Variants in MEF2A observed in about 807,000 individuals in gnomAD.
MEF2A encodes myocyte enhancer factor 2A.
Under a neutral mutation model 55.8 loss-of-function variants are expected in MEF2A, and 28 were observed. That is an observed-to-expected ratio of 0.50 (90% confidence interval 0.37 to 0.69). The LOEUF is 0.69. Among genes scored for constraint, MEF2A ranks in the 30% least tolerant of loss-of-function variants. The probability of loss-of-function intolerance (pLI) is 0.00; values close to 1 mark genes in which losing one functional copy is unlikely to be tolerated. For synonymous variants in MEF2A, 239 were observed against 227.1 expected (o/e 1.05, Z -0.47); for missense variants, 528 against 626.2 (o/e 0.84, Z 1.67).
chr15:99,678,054 T>G (rs1273612362), intron 7 of MEF2A, among the ~76,000 whole-genome samples: 1 of 152,142 alleles, frequency 6.6e-6, no homozygotes, highest in Non-Finnish European at 1.5e-5. Flanking sequence ...AAAAACAAAT[T>G]GAATTAACAA....
At chr15:99,643,799 G>A (rs2045468497) in intron 3 of MEF2A, among the ~76,000 whole-genome samples, 1 of 152,064 alleles carries the variant, frequency 6.6e-6, no homozygotes, top group African/African-American at 2.4e-5. Flanking sequence ...CGTAGTGTTA[G>A]CCAAGATGGT....
intron 2 of MEF2A, among the ~76,000 whole-genome samples, chr15:99,627,411 C>CT (rs1228091797): frequency 5.0e-4 from 46 of 91,492 alleles, no homozygotes; most frequent in African/African-American, 2.1e-3. Context: ...CAGAGTGAGA[C>CT]TTTATCTCAA....
intron 6 of MEF2A, 35 bp from the exon 7 acceptor site, chr15:99,675,364 C>T (rs1316803837): frequency 1.3e-5 from 21 of 1,573,196 alleles, no homozygotes; most frequent in Non-Finnish European, 1.8e-5. Context: ...CATATTCATT[C>T]TCTGCCCTCT....
chr15:99,567,820 A>G (rs1319373520), intron 1 of MEF2A, among the ~76,000 whole-genome samples: 1 of 152,170 alleles, frequency 6.6e-6, no homozygotes, highest in Non-Finnish European at 1.5e-5. Flanking sequence ...TAAGATCAGT[A>G]TTTGTTATAT....
intron 1 of MEF2A, chr15:99,566,721 C>G (rs1188436911): frequency 2.6e-5 from 4 of 152,360 alleles, no homozygotes; most frequent in Non-Finnish European, 4.4e-5. Context: ...TCCCCCACTT[C>G]TGCTTTGGGA....
intron 4 of MEF2A, among the ~76,000 whole-genome samples, chr15:99,650,814 G>C (rs2046736166): frequency 6.6e-6 from 1 of 152,188 alleles, no homozygotes; most frequent in Admixed American, 6.5e-5. Context: ...AGCAGCAGCA[G>C]CCCCAGAGGC....
intron 11 of MEF2A, among the ~76,000 whole-genome samples, chr15:99,711,329 T>C (rs1433039694): frequency 6.6e-6 from 1 of 152,196 alleles, no homozygotes; most frequent in East Asian, 1.9e-4. Flanking sequence ...AGGATTTGTG[T>C]GACTGATCCC....
rs190007997 is a variant in MEF2A at position 99,713,339 on chromosome 15, C to T, written c.*568C>T. Reference sequence around the variant, plus strand: ...CTGTTGATATTAAAAACAAACAAAACAAAAAAGCCCCACACATAACTGTTT... The same window carrying T: ...CTGTTGATATTAAAAACAAACAAAATAAAAAAGCCCCACACATAACTGTTT... On this transcript the variant is annotated 3_prime_UTR_variant, in exon 12 of 12. Transcript: ENST00000557942. 3 of 254,456 alleles carry T rather than the reference C, an allele frequency of 1.2e-5. No individual in the cohort carries two copies. The highest frequency in any genetic ancestry group is 5.5e-5 in the Admixed American group (1 of 18,274). 15.8% of individuals were successfully genotyped at this position (254,456 alleles called of 1,614,324 possible).
At chr15:99,690,627 A>G (rs2055225497) in intron 8 of MEF2A, 199 bp downstream of exon 8, 5 of 703,592 alleles carry the variant, frequency 7.1e-6, no homozygotes, top group Non-Finnish European at 1.0e-5. Context: ...TTTGCTTAAC[A>G]GTTACTTAAA....
chr15:99,599,157 A>C (rs867575211), intron 2 of MEF2A, among the ~76,000 whole-genome samples: 1 of 152,180 alleles, frequency 6.6e-6, no homozygotes, highest in South Asian at 2.1e-4. Flanking sequence ...TCATATGTGT[A>C]GTCCTCAAAA....
chr15:99,693,423 G>GCACA (rs140629596), intron 8 of MEF2A, among the ~76,000 whole-genome samples: 1 of 150,642 alleles, frequency 6.6e-6, no homozygotes, highest in East Asian at 1.9e-4. Flanking sequence ...ATGCACGCAT[G>GCACA]CACACACACA....
rs1217385616 is a variant in MEF2A at position 99,716,353 on chromosome 15, A to G, written c.*3582A>G. Reference sequence around the variant, plus strand: ...TAAGTTAATCTCAATTTTTCCCTGAATGTGTTGTTTTTCTTCATTATACAA... The same window carrying G: ...TAAGTTAATCTCAATTTTTCCCTGAGTGTGTTGTTTTTCTTCATTATACAA... On this transcript the variant is annotated 3_prime_UTR_variant, in exon 12 of 12. Coordinates refer to ENST00000557942, the MANE Select transcript of MEF2A (RefSeq NM_001319206.4). 1 of 353,098 alleles carries G rather than the reference A, an allele frequency of 2.8e-6. No homozygotes were observed. Among genetic ancestry groups the G allele is most frequent in the East Asian group, 7.6e-5 (1 of 13,164 alleles). 21.9% of individuals were successfully genotyped at this position (353,098 alleles called of 1,614,324 possible).
At chr15:99,573,054 C>T (rs904609201) in intron 1 of MEF2A, among the ~76,000 whole-genome samples, 7 of 152,014 alleles carry the variant, frequency 4.6e-5, no homozygotes, top group Admixed American at 1.3e-4. Context: ...TTTGGGAGGC[C>T]GAGGCGGGCG....
intron 2 of MEF2A, among the ~76,000 whole-genome samples, chr15:99,610,411 GCCCCCCCCCCCC>G (rs59710476): frequency 1.4e-5 from 1 of 71,562 alleles, no homozygotes; most frequent in African/African-American, 1.1e-4. Flanking sequence ...GGTCTCCCCC[GCCCCCCCCCCCC>G]CCCACCCCCC....
At chr15:99,679,161 G>A (rs1046630768) in intron 7 of MEF2A, among the ~76,000 whole-genome samples, 1 of 152,164 alleles carries the variant, frequency 6.6e-6, no homozygotes, top group African/African-American at 2.4e-5. Context: ...CAACCATTTG[G>A]CATTATCTGC....
intron 4 of MEF2A, among the ~76,000 whole-genome samples, chr15:99,653,403 G>C (rs1325408766): frequency 1.3e-5 from 2 of 152,146 alleles, no homozygotes; most frequent in Admixed American, 6.5e-5. Context: ...GCATAGATTA[G>C]TCATAACTCA....
intron 2 of MEF2A, among the ~76,000 whole-genome samples, chr15:99,608,772 G>A (rs769599629): frequency 6.6e-6 from 1 of 152,018 alleles, no homozygotes; most frequent in South Asian, 2.1e-4. Flanking sequence ...GTGATGGCAG[G>A]CGTCTGTAAT....
intron 2 of MEF2A, among the ~76,000 whole-genome samples, chr15:99,613,212 T>C (rs1414144567): frequency 6.6e-6 from 1 of 152,222 alleles, no homozygotes; most frequent in African/African-American, 2.4e-5. Flanking sequence ...GATATTAGTC[T>C]CAATTATGAT....
At chr15:99,574,067 G>A (rs527807437) in intron 1 of MEF2A, among the ~76,000 whole-genome samples, 47 of 151,464 alleles carry the variant, frequency 3.1e-4, no homozygotes, top group Non-Finnish European at 5.0e-4. Flanking sequence ...AATTTATTTC[G>A]GAAAAAAATC....
Sources: gnomAD v4.1 joint callset for allele counts (sites outside exome capture counted in the v4.1 genomes callset) on GRCh38, gnomAD v4.1.1 for gene constraint, MANE v1.5 for transcripts, NCBI Gene and HGNC (gene_info 2026-07-23, HGNC 2026-07-21) for gene names.